CAMTA1: variants seen among roughly 807,000 people sequenced by gnomAD.
The protein encoded by CAMTA1 is calmodulin-binding transcription activator 1.
Under a neutral mutation model 170.9 loss-of-function variants are expected in CAMTA1, and 27 were observed. The observed-to-expected ratio is 0.16, with a 90% CI of 0.12 to 0.22. CAMTA1 has a LOEUF of 0.22. CAMTA1 is among the 10% of genes least tolerant of loss of function. CAMTA1 has a pLI of 1.00. For synonymous variants in CAMTA1, 833 were observed against 891.5 expected, an observed-to-expected ratio of 0.93 and a Z score of 1.17; for missense variants, 1,619 against 2,217.2, an observed-to-expected ratio of 0.73 and a Z score of 5.42.
chr1:7,761,951 G>A (rs2150298846), intron 22 of CAMTA1, among the ~76,000 whole-genome samples: 1 of 152,074 alleles, frequency 6.6e-6, no homozygotes, highest in Non-Finnish European at 1.5e-5. Context: ...AGGAGTTCAA[G>A]ACCAGCTTGG....
intron 3 of CAMTA1, among the ~76,000 whole-genome samples, chr1:6,954,249 C>T (rs999937032): frequency 6.6e-6 from 1 of 152,170 alleles, no homozygotes; most frequent in Non-Finnish European, 1.5e-5. Context: ...CTTGACAGCA[C>T]GTCCAAGGGC....
chr1:7,597,320 G>A (rs983365485), intron 6 of CAMTA1, among the ~76,000 whole-genome samples: 9 of 152,182 alleles, frequency 5.9e-5, no homozygotes, highest in Admixed American at 2.0e-4. Flanking sequence ...CGCCTGTGAT[G>A]TTCACTCAGT....
At chr1:7,095,906 C>T (rs1642022228) in intron 4 of CAMTA1, among the ~76,000 whole-genome samples, 1 of 152,134 alleles carries the variant, frequency 6.6e-6, no homozygotes, top group South Asian at 2.1e-4. Context: ...ATTCCTGCTC[C>T]CCTGGGAAAT....
At chr1:6,976,695 C>T (rs947840128) in intron 3 of CAMTA1, among the ~76,000 whole-genome samples, 7 of 152,068 alleles carry the variant, frequency 4.6e-5, no homozygotes, top group Admixed American at 2.0e-4. Flanking sequence ...ATGGATGTGC[C>T]GAGCATCAGC....
At chr1:7,725,081 G>A (rs1027276361) in intron 11 of CAMTA1, among the ~76,000 whole-genome samples, 4 of 152,320 alleles carry the variant, frequency 2.6e-5, no homozygotes, top group African/African-American at 7.2e-5. Flanking sequence ...GGTTCATGAA[G>A]AGAAGCTTTG....
chr1:7,416,918 G>A (rs939404083), intron 5 of CAMTA1, among the ~76,000 whole-genome samples: 4 of 152,158 alleles, frequency 2.6e-5, no homozygotes, highest in African/African-American at 9.7e-5. Flanking sequence ...TGATGATGGT[G>A]ATGTACAGAT....
intron 1 of CAMTA1, among the ~76,000 whole-genome samples, chr1:6,788,191 C>G (rs1639987456): frequency 1.3e-5 from 2 of 149,278 alleles, no homozygotes; most frequent in Non-Finnish European, 1.5e-5. Context: ...CCCTTTCTCC[C>G]TCTTTCACGA....
chr1:7,427,510 A>G (rs1222368674), intron 5 of CAMTA1, among the ~76,000 whole-genome samples: 1 of 152,222 alleles, frequency 6.6e-6, no homozygotes, highest in Non-Finnish European at 1.5e-5. Context: ...GTACGGGGCT[A>G]CACAATAATT....
At chr1:7,311,904 G>A (rs755686657) in intron 5 of CAMTA1, among the ~76,000 whole-genome samples, 3 of 152,116 alleles carry the variant, frequency 2.0e-5, no homozygotes, top group Admixed American at 1.3e-4. Context: ...AGGTTATCCC[G>A]TAGTTCAGTT....
intron 3 of CAMTA1, among the ~76,000 whole-genome samples, chr1:7,030,653 T>A (rs998299355): frequency 1.3e-5 from 2 of 152,216 alleles, no homozygotes; most frequent in Non-Finnish European, 2.9e-5. Context: ...GATAAATGAA[T>A]TCCTTTTTTT....
chr1:7,516,410 G>A (rs1166498728), intron 6 of CAMTA1, among the ~76,000 whole-genome samples: 2 of 152,214 alleles, frequency 1.3e-5, no homozygotes, highest in Non-Finnish European at 2.9e-5. Context: ...GGCCGTGGAG[G>A]GCAGCTGGGG....
chr1:7,461,619 A>G (rs2093090826), intron 5 of CAMTA1, among the ~76,000 whole-genome samples: 1 of 152,250 alleles, frequency 6.6e-6, no homozygotes, highest in Non-Finnish European at 1.5e-5. Context: ...CCAGTGATCC[A>G]TGAAATTAGA....
chr1:7,217,447 G>T, intron 4 of CAMTA1, among the ~76,000 whole-genome samples: 1 of 152,074 alleles, frequency 6.6e-6, no homozygotes, highest in East Asian at 1.9e-4. Flanking sequence ...ATAACATATA[G>T]TTGGATCTTT....
At position 7,739,126 on chromosome 1, in the gene CAMTA1, G is replaced by C. The variant is rs4908689; in HGVS notation, c.4182+644G>C. 9.9e-5 allele frequency among the ~76,000 whole-genome samples: 15 copies of C among 152,094 alleles called. 1 individual carries two copies. In the East Asian group the frequency reaches 2.9e-3, roughly 29 times the overall value. On this transcript the variant is annotated intron_variant, in intron 16 of 22. Transcript: ENST00000303635. ...CAAATTCCATCTATTAAAATATGTAGGGGAGGACCATAAGGGCAGCCTAAA... is the reference window on the plus strand; with the variant it reads ...CAAATTCCATCTATTAAAATATGTACGGGAGGACCATAAGGGCAGCCTAAA...
chr1:7,760,768 T>C (rs1422112891), intron 22 of CAMTA1, among the ~76,000 whole-genome samples: 1 of 152,188 alleles, frequency 6.6e-6, no homozygotes, highest in Non-Finnish European at 1.5e-5. Flanking sequence ...CTATTGCAGC[T>C]CTCAAAGCAA....
At chr1:7,582,921 G>A (rs182718150) in intron 6 of CAMTA1, among the ~76,000 whole-genome samples, 65 of 151,892 alleles carry the variant, frequency 4.3e-4, no homozygotes, top group East Asian at 2.3e-3. Context: ...CCTTACCCTG[G>A]CCCGTCCTCT....
rs1276393436 is a variant in CAMTA1, at chr1:7,748,569, A to G, written c.4689+788A>G. On this transcript the variant is annotated intron_variant, in intron 19 of 22. Transcript: ENST00000303635. This position sits in a 1 kb window ranked among gnomAD's most constrained non-coding sequence, Gnocchi z 4.7. ...CAATACTTTGATAAACTCCCTAGTA[A>G]TTAGAGAACTGTAGGGAATCCAGGG... Among the ~76,000 whole-genome samples, 2 of 152,210 alleles carry G rather than the reference A, an allele frequency of 1.3e-5. No individual in the cohort carries two copies. Among genetic ancestry groups the G allele is most frequent in the Admixed American group, 6.5e-5 (1 of 15,274 alleles).
intron 22 of CAMTA1, among the ~76,000 whole-genome samples, chr1:7,764,769 G>A (rs1382131320): frequency 6.6e-6 from 1 of 152,086 alleles, no homozygotes; most frequent in Non-Finnish European, 1.5e-5. Context: ...AGACCAGCCT[G>A]GCCAACATGG....
chr1:7,746,997 C>T lies in CAMTA1; in HGVS notation c.4618-713C>T, dbSNP rs185276290. Among the ~76,000 whole-genome samples, 132 of 152,302 alleles carry T rather than the reference C, an allele frequency of 8.7e-4. 1 individual carries two copies. Among genetic ancestry groups the T allele is most frequent in the African/African-American group, 3.1e-3 (127 of 41,558 alleles). On this transcript the variant is annotated intron_variant, in intron 18 of 22. Transcript: ENST00000303635. ...AATGTCTCTTTATTATTCCTTAAAA[C>T]AAATTTCATGAGTTCATAGAATTTT...
Sources: gnomAD v4.1 joint callset for allele counts (sites outside exome capture counted in the v4.1 genomes callset) on GRCh38, gnomAD v4.1.1 for gene constraint, Gnocchi (gnomAD v3.1) non-coding constraint, MANE v1.5 for transcripts, NCBI Gene and HGNC (gene_info 2026-07-23, HGNC 2026-07-21) for gene names.